The following PMS1 variants were observed in gnomAD, a reference collection of about 807,000 sequenced individuals.
The protein encoded by PMS1 is PMS1 homolog 1, mismatch repair system component.
In PMS1, 79 loss-of-function variants were observed where a neutral mutation model predicts 93.1. That is an observed-to-expected ratio of 0.85 (90% CI 0.71 to 1.02). PMS1 has a LOEUF of 1.02. Among genes scored for constraint, PMS1 ranks in the 50% least tolerant of loss-of-function variants. PMS1 has a pLI of 0.00. For synonymous variants in PMS1, 335 were observed against 363.4 expected (o/e 0.92, Z 0.89); for missense variants, 1,064 against 1,085.3 (o/e 0.98, Z 0.28).
chr2:189,809,396 T>G (rs1037553805), intron 4 of PMS1, among the ~76,000 whole-genome samples: 2 of 144,184 alleles, frequency 1.4e-5, no homozygotes, highest in Admixed American at 7.1e-5. Flanking sequence ...TAATGGGGCC[T>G]CCTCCCTATT....
chr2:189,852,621 T>G (rs2054861361), intron 6 of PMS1, 34 bp from the exon 7 acceptor site: 1 of 1,592,358 alleles, frequency 6.3e-7, no homozygotes, highest in African/African-American at 1.3e-5. Context: ...GGAACTACAT[T>G]GTTGACATTG....
chr2:189,870,683 A>T (rs2057072628), intron 11 of PMS1, among the ~76,000 whole-genome samples: 1 of 152,216 alleles, frequency 6.6e-6, no homozygotes, highest in Admixed American at 6.5e-5. Context: ...TAGACTTTTC[A>T]TTCTAATCAT....
chr2:189,818,514 C>T (rs916220987), intron 5 of PMS1, among the ~76,000 whole-genome samples: 2 of 152,168 alleles, frequency 1.3e-5, no homozygotes, highest in African/African-American at 2.4e-5. Flanking sequence ...TGGACTTACT[C>T]AGCCTCCAAA....
In PMS1 at chr2:189,877,317, A is replaced by C; in HGVS notation, c.2680A>C (p.Lys894Gln). 6.2e-7 allele frequency: 1 copy of C among 1,613,646 alleles called. No homozygotes were observed. The highest frequency in any genetic ancestry group is 1.7e-5 in the Admixed American group (1 of 60,026). The change falls in exon 13 of 13, where the codon AAA becomes CAA. Residue 894 changes from lysine to glutamine, a missense_variant. Transcript: ENST00000441310. ...LSRQLPMYLSKEDIQDIIYRM... is the reference protein window; with the variant it reads ...LSRQLPMYLSQEDIQDIIYRM... Reference sequence around the variant, plus strand: ...CAGACAATTACCCATGTACTTATCAAAAGAGGACATCCAAGACATTATCTA... The same window carrying C: ...CAGACAATTACCCATGTACTTATCACAAGAGGACATCCAAGACATTATCTA...
chr2:189,864,657 G>GAAAAAAAA (rs59807167), intron 10 of PMS1, among the ~76,000 whole-genome samples: 1 of 3,664 alleles, frequency 2.7e-4, no homozygotes, highest in Non-Finnish European at 5.8e-4. Context: ...GTCTGTCTCA[G>GAAAAAAAA]AAAAAAAAAA....
At chr2:189,817,784 T>C (rs553332240) in intron 4 of PMS1, among the ~76,000 whole-genome samples, 109 of 152,328 alleles carry the variant, frequency 7.2e-4, no homozygotes, top group African/African-American at 2.5e-3. Flanking sequence ...AGAAGTAAGA[T>C]TATACTTCTT....
chr2:189,852,897 C>G, intron 7 of PMS1, 120 bp downstream of exon 7: 2 of 702,960 alleles, frequency 2.8e-6, no homozygotes. Flanking sequence ...ATTTATTAAA[C>G]ATTATGCATG....
At chr2:189,806,837 T>C (rs927415750) in intron 4 of PMS1, 2 of 211,164 alleles carry the variant, frequency 9.5e-6, no homozygotes, top group Non-Finnish European at 1.9e-5. Flanking sequence ...TTAAAGCTAT[T>C]ACCTCTTTAG....
intron 7 of PMS1, among the ~76,000 whole-genome samples, chr2:189,853,546 TGTTG>T (rs2055001733): frequency 6.6e-6 from 1 of 151,308 alleles, no homozygotes; most frequent in African/African-American, 2.4e-5. Flanking sequence ...GATGCAGCCT[TGTTG>T]TTTTGCCCAT....
At chr2:189,785,339 T>C (rs1159745032) in intron 1 of PMS1, 1 of 152,218 alleles carries the variant, frequency 6.6e-6, no homozygotes, top group African/African-American at 2.4e-5. Context: ...CTTTACTTCT[T>C]TTTTAGGCAC....
At chr2:189,819,754 C>T (rs2051663569) in intron 5 of PMS1, among the ~76,000 whole-genome samples, 1 of 151,932 alleles carries the variant, frequency 6.6e-6, no homozygotes, top group Admixed American at 6.6e-5. Context: ...CTTCTTATAC[C>T]TTCTGGATGT....
rs181022138 is a variant in PMS1, at chr2:189,827,246, A to G, written c.582+9066A>G. Among the ~76,000 whole-genome samples, 348 of 152,338 alleles carry G rather than the reference A, an allele frequency of 2.3e-3. 2 individuals carry two copies. Among genetic ancestry groups the G allele is most frequent in the Middle Eastern group, 3.4e-3 (1 of 294 alleles). On this transcript the variant is annotated intron_variant, in intron 5 of 12. Transcript: ENST00000441310. ...ACATACATTTTATATACTTATTATTAACCCAAACACACATTTCTCTATTCC... is the reference window on the plus strand; with the variant it reads ...ACATACATTTTATATACTTATTATTGACCCAAACACACATTTCTCTATTCC...
intron 3 of PMS1, among the ~76,000 whole-genome samples, chr2:189,799,033 C>T (rs879824684): frequency 2.0e-5 from 3 of 152,096 alleles, no homozygotes; most frequent in Non-Finnish European, 2.9e-5. Context: ...AGTCTTTCTC[C>T]ATTGGTCACT....
intron 4 of PMS1, among the ~76,000 whole-genome samples, chr2:189,810,169 G>A (rs2050710708): frequency 6.6e-6 from 1 of 152,192 alleles, no homozygotes; most frequent in African/African-American, 2.4e-5. Context: ...TGAGTTTGAA[G>A]ATGGTAGGAG....
intron 6 of PMS1, 54 bp from the exon 7 acceptor site, chr2:189,852,601 C>T (rs777806857): frequency 1.2e-5 from 19 of 1,528,066 alleles, no homozygotes; most frequent in Non-Finnish European, 1.7e-5. Flanking sequence ...TTATATATAG[C>T]CAGACCCGTG....
chr2:189,794,198 C>T (rs1024322775), intron 2 of PMS1, among the ~76,000 whole-genome samples: 4 of 152,146 alleles, frequency 2.6e-5, no homozygotes, highest in African/African-American at 7.2e-5. Flanking sequence ...CTGTAACCTC[C>T]GTCTCCCGGT....
At chr2:189,866,807 G>A (rs2056698413) in intron 10 of PMS1, among the ~76,000 whole-genome samples, 1 of 152,166 alleles carries the variant, frequency 6.6e-6, no homozygotes, top group South Asian at 2.1e-4. Context: ...CAGTAAATAA[G>A]CTGTATGTCC....
intron 1 of PMS1, among the ~76,000 whole-genome samples, chr2:189,790,779 G>A (rs1190657305): frequency 6.6e-6 from 1 of 152,142 alleles, no homozygotes; most frequent in Non-Finnish European, 1.5e-5. Context: ...GAGTCATTGA[G>A]GCTAATTAGG....
At chr2:189,844,951 G>A (rs2054132734) in intron 6 of PMS1, among the ~76,000 whole-genome samples, 1 of 151,710 alleles carries the variant, frequency 6.6e-6, no homozygotes, top group African/African-American at 2.4e-5. Context: ...TCCATCTCCT[G>A]GGTTCAAGTG....
Sources: gnomAD v4.1 joint callset for allele counts (sites outside exome capture counted in the v4.1 genomes callset) on GRCh38, gnomAD v4.1.1 for gene constraint, MANE v1.5 for transcripts, NCBI Gene and HGNC (gene_info 2026-07-23, HGNC 2026-07-21) for gene names.